CCL24: variants seen among roughly 807,000 people sequenced by gnomAD.
CCL24 encodes C-C motif chemokine ligand 24.
In CCL24, 6 loss-of-function variants were observed where a neutral mutation model predicts 8.6. The ratio of observed to expected loss-of-function variants is 0.70; its 90% CI spans 0.38 to 1.38. The LOEUF is 1.38. Ranked by LOEUF, CCL24 falls within the 40% of genes most tolerant of loss-of-function variation. The pLI, the probability that CCL24 is intolerant of heterozygous loss-of-function variation, is 0.02. For missense variants in CCL24, 126 were observed against 147.1 expected, an observed-to-expected ratio of 0.86 and a Z score of 0.74; for synonymous variants, 59 against 52.7, an observed-to-expected ratio of 1.12 and a Z score of -0.52.
At chr7:75,820,089 CTCT>C (rs1184008714) in intron 1 of CCL24, among the ~76,000 whole-genome samples, 12 of 44,424 alleles carry the variant, frequency 2.7e-4, no homozygotes, top group African/African-American at 2.9e-4. Flanking sequence ...CTTCTTCTTC[CTCT>C]TCTTCTTCTT....
At chr7:75,816,650 C>T (rs1803897030), upstream of CCL24, among the ~76,000 whole-genome samples, 1 of 151,756 alleles carries the variant, frequency 6.6e-6, no homozygotes. Context: ...CAACCTCCAC[C>T]TCCGAGGTTC....
upstream of CCL24, among the ~76,000 whole-genome samples, chr7:75,818,236 A>G (rs575907217): frequency 6.6e-6 from 1 of 152,212 alleles, no homozygotes; most frequent in East Asian, 1.9e-4. Flanking sequence ...AAGTGAGCAG[A>G]CACCATCACA....
chr7:75,820,086 TTCC>T (rs71519389), intron 1 of CCL24, among the ~76,000 whole-genome samples: 192 of 133,510 alleles, frequency 1.4e-3, no homozygotes, highest in African/African-American at 4.2e-3. Flanking sequence ...CTTCTTCTTC[TTCC>T]TCTTCTTCTT....
At chr7:75,820,082 C>CTTCTTT (rs1804002960) in intron 1 of CCL24, among the ~76,000 whole-genome samples, 2 of 139,818 alleles carry the variant, frequency 1.4e-5, no homozygotes, top group African/African-American at 5.1e-5. Context: ...TCTTCTTCTT[C>CTTCTTT]TTCTTCCTCT....
At chr7:75,819,264 G>A (rs1200371578) in intron 1 of CCL24, among the ~76,000 whole-genome samples, 1 of 32,814 alleles carries the variant, frequency 3.0e-5, no homozygotes, top group Admixed American at 5.1e-4. Flanking sequence ...GTGAAACTCC[G>A]TCTCAAAAAA....
chr7:75,818,613 A>T (rs1554534503), upstream of CCL24, among the ~76,000 whole-genome samples: 2 of 100,828 alleles, frequency 2.0e-5, no homozygotes, highest in Admixed American at 9.3e-5. Context: ...CGGACTCTTT[A>T]AAAAAAAAAA....
chr7:75,813,530 C>T, intron 1 of CCL24, 107 bp from the exon 2 acceptor site: 1 of 1,259,964 alleles, frequency 7.9e-7, no homozygotes, highest in Admixed American at 1.7e-5. Flanking sequence ...AGTCCATTCA[C>T]TGGGCCACCC....
intron 2 of CCL24, 35 bp from the exon 3 acceptor site, chr7:75,811,999 C>G: frequency 1.3e-6 from 2 of 1,591,320 alleles, no homozygotes; most frequent in Non-Finnish European, 1.7e-6. Flanking sequence ...CAGCTGAGGT[C>G]GACAGGGACC....
intron 1 of CCL24, among the ~76,000 whole-genome samples, chr7:75,819,935 G>A (rs1269386338): frequency 6.6e-6 from 1 of 152,016 alleles, no homozygotes; most frequent in African/African-American, 2.4e-5. Context: ...TGGGGGCGGG[G>A]AGGATGAGGC....
upstream of CCL24, among the ~76,000 whole-genome samples, chr7:75,816,771 A>T (rs1397309298): frequency 6.6e-6 from 1 of 151,078 alleles, no homozygotes; most frequent in Non-Finnish European, 1.5e-5. Context: ...TAGGTTGGTC[A>T]GGCTGGTCTT....
chr7:75,813,434 A>C lies in CCL24; in HGVS notation c.74-11T>G. ...GGATGACCACAGAGCCTAGAAGAGG[A>C]GAGAGAGAAGAGCCACGTCTTTTCC... On this transcript the variant is annotated splice_polypyrimidine_tract_variant and intron_variant, in intron 1 of 2. Coordinates refer to ENST00000222902, the MANE Select transcript of CCL24 (RefSeq NM_002991.3). 2 of 1,566,636 alleles carry C rather than the reference A, an allele frequency of 1.3e-6. No individual in the cohort carries two copies. Among genetic ancestry groups the C allele is most frequent in the Non-Finnish European group, 1.8e-6 (2 of 1,137,914 alleles).
rs377250178 is a variant in CCL24 at position 75,812,046 on chromosome 7, C to T, written c.192-82G>A. On this transcript the variant is annotated intron_variant, in intron 2 of 2. Coordinates refer to ENST00000222902, the MANE Select transcript of CCL24 (RefSeq NM_002991.3). ...CACTTCATGGCGGGGGGGATGTGGACGCCCAGAGACAGTAAGGCTTCCTTG... is the reference window on the plus strand; with the variant it reads ...CACTTCATGGCGGGGGGGATGTGGATGCCCAGAGACAGTAAGGCTTCCTTG... 351 of 1,169,324 alleles carry T rather than the reference C, an allele frequency of 3.0e-4. 2 individuals are homozygous for T. In the African/African-American group the frequency reaches 4.2e-3, roughly 14 times the overall value. 72.4% of individuals were successfully genotyped at this position (1,169,324 alleles called of 1,614,324 possible). A position where few individuals can be genotyped will look rare whatever the true frequency, so the allele number is the denominator to read the frequency against.
rs999259328 is a variant in CCL24, at chr7:75,820,041, T to C, written c.-60+3281A>G. The stretch of plus-strand genomic sequence containing the variant: ...CTACTTCTTCTTCTTCTTCTTCTTC[T>C]TCTTCTTCTTCTTCTTCTTCTTCTT... On this transcript the variant is annotated intron_variant, in intron 1 of 3. Coordinates refer to the CCL24 transcript ENST00000416943. 2.2e-5 allele frequency among the ~76,000 whole-genome samples: 3 copies of C among 137,080 alleles called. No individual in the cohort carries two copies. The East Asian group carries it at 7.1e-4, about 33-fold the overall frequency. The allele number at this position is 137,080 out of a possible 152,430, so 89.9% of individuals were successfully genotyped here.
chr7:75,821,596 G>A (rs1326213499), intron 1 of CCL24, among the ~76,000 whole-genome samples: 1 of 152,106 alleles, frequency 6.6e-6, no homozygotes, highest in Non-Finnish European at 1.5e-5. Flanking sequence ...GTAGATGCCC[G>A]AGGCAGGCAG....
At chr7:75,812,148 G>A (rs1052481063) in intron 2 of CCL24, among the ~76,000 whole-genome samples, 184 bp from the exon 3 acceptor site, 8 of 151,870 alleles carry the variant, frequency 5.3e-5, no homozygotes, top group African/African-American at 9.7e-5. Context: ...ATAAAGTGGC[G>A]ATCATAACTC....
At chr7:75,820,142 CCTCCTCCTCCTT>C (rs1804012750) in intron 1 of CCL24, among the ~76,000 whole-genome samples, 1 of 114,618 alleles carries the variant, frequency 8.7e-6, no homozygotes, top group African/African-American at 2.9e-5. Context: ...TCCTCCTCCT[CCTCCTCCTCCTT>C]CTCCTTCTCC....
chr7:75,812,063 G>A lies in CCL24; in HGVS notation c.192-99C>T, dbSNP rs539982344. The A allele has an allele frequency of 4.5e-5, 44 of 969,730 alleles. No individual in the cohort carries two copies. The East Asian group carries it at 9.2e-4, about 20-fold the overall frequency. The allele number at this position is 969,730 out of a possible 1,614,324, so 60.1% of individuals were successfully genotyped here. ...GATGTGGACGCCCAGAGACAGTAAG[G>A]CTTCCTTGCAAGTTGCTGAGATGAT... On this transcript the variant is annotated intron_variant, in intron 2 of 2. Coordinates refer to ENST00000222902, the MANE Select transcript of CCL24 (RefSeq NM_002991.3).
In CCL24 at chr7:75,819,992, A is replaced by G. The variant is rs149351089; in HGVS notation, c.-60+3330T>C. Among the ~76,000 whole-genome samples, 388 of 150,376 alleles carry G rather than the reference A, an allele frequency of 2.6e-3. 3 individuals are homozygous for G. Among genetic ancestry groups the G allele is most frequent in the African/African-American group, 8.4e-3 (345 of 41,012 alleles). ...TGTGATTCTAGAATCCTAGAAAGTT[A>G]CGGATGTAAGGGCTTTTAGTAAACT... On this transcript the variant is annotated intron_variant, in intron 1 of 3. Transcript: ENST00000416943.
Position 75,813,375 on chromosome 7 carries a change from C to A in CCL24, c.122G>T (p.Arg41Ile). The change falls in exon 2 of 3, where the codon AGA becomes ATA. Residue 41 changes from arginine (R) to isoleucine (I), a missense_variant. Arg to Ile is a moderately conservative substitution (Grantham distance 97). Transcript: ENST00000222902. ...GCTGACCACTCGGTTCTCAGGAATT[C>A]TCTTGGAAACAAAGAACATGCAGCA... ...SPCCMFFVSK[R>I]IPENRVVSYQ... 6.2e-7 allele frequency: 1 copy of A among 1,613,860 alleles called. No homozygotes were observed. The highest frequency in any genetic ancestry group is 8.5e-7 in the Non-Finnish European group (1 of 1,179,904).
Sources: gnomAD v4.1 joint callset for allele counts (sites outside exome capture counted in the v4.1 genomes callset) on GRCh38, gnomAD v4.1.1 for gene constraint, MANE v1.5 for transcripts, NCBI Gene and HGNC (gene_info 2026-07-23, HGNC 2026-07-21) for gene names.